Variants in SGCZ observed in about 807,000 individuals in gnomAD.
SGCZ encodes sarcoglycan zeta, also known as zeta-sarcoglycan.
A neutral mutation model predicts 41.3 loss-of-function variants in SGCZ; 40 were observed. That is an observed-to-expected ratio of 0.97 (90% CI 0.75 to 1.26). SGCZ has a LOEUF of 1.26. SGCZ is among the 50% of genes most tolerant of loss of function. The pLI, the probability that SGCZ is intolerant of heterozygous loss-of-function variation, is 0.00. For synonymous variants in SGCZ, 206 were observed against 137.5 expected (o/e 1.50, Z -3.49); for missense variants, 552 against 369.8 (o/e 1.49, Z -4.04).
chr8:14,732,276 A>C (rs1000654413), intron 1 of SGCZ, among the ~76,000 whole-genome samples: 18 of 152,152 alleles, frequency 1.2e-4, no homozygotes, highest in Non-Finnish European at 7.3e-5. Context: ...CCTTTCAAGG[A>C]ATGACAGGAT....
intron 1 of SGCZ, among the ~76,000 whole-genome samples, chr8:15,161,888 A>G (rs1799521101): frequency 1.3e-5 from 2 of 152,138 alleles, no homozygotes; most frequent in African/African-American, 4.8e-5. Context: ...TACAAAAATT[A>G]GCTGGGCGTG....
chr8:14,691,407 T>G (rs1808793569), intron 1 of SGCZ, among the ~76,000 whole-genome samples: 2 of 151,926 alleles, frequency 1.3e-5, no homozygotes, highest in Admixed American at 6.6e-5. Context: ...AAACAAACTG[T>G]AAATGAGGGA....
chr8:14,931,642 G>A (rs1205032189), intron 1 of SGCZ, among the ~76,000 whole-genome samples: 1 of 151,930 alleles, frequency 6.6e-6, no homozygotes. Flanking sequence ...ATATTATACT[G>A]AAAAGATTGA....
chr8:14,381,826 T>C (rs1209402008), intron 2 of SGCZ, among the ~76,000 whole-genome samples: 1 of 151,924 alleles, frequency 6.6e-6, no homozygotes, highest in Non-Finnish European at 1.5e-5. Flanking sequence ...AACAAAAAAC[T>C]TTAATAAAGC....
chr8:14,229,774 T>C (rs976777672), intron 4 of SGCZ, among the ~76,000 whole-genome samples: 1 of 152,122 alleles, frequency 6.6e-6, no homozygotes, highest in African/African-American at 2.4e-5. Context: ...AGGTGTTCAC[T>C]GTAATTGCTT....
At chr8:14,383,420 G>A (rs147858399) in intron 2 of SGCZ, among the ~76,000 whole-genome samples, 1 of 152,236 alleles carries the variant, frequency 6.6e-6, no homozygotes, top group East Asian at 1.9e-4. Context: ...AATTTGCCCT[G>A]TATATAATCT....
rs114214980 is a variant in SGCZ, at chr8:14,154,403, G to A, written c.547+10177C>T. On this transcript the variant is annotated intron_variant, in intron 5 of 7. Transcript: ENST00000382080. Reference sequence around the variant, plus strand: ...CAAACAGCAACAACAAAAAAAAACCGCAGAAAATAAGTTTCTGTTGTTTAA... The same window carrying A: ...CAAACAGCAACAACAAAAAAAAACCACAGAAAATAAGTTTCTGTTGTTTAA... 7.0e-3 allele frequency among the ~76,000 whole-genome samples: 1,062 copies of A among 151,290 alleles called. 12 individuals carry two copies. The highest frequency in any genetic ancestry group is 0.024 in the African/African-American group (968 of 40,944).
At chr8:15,038,096 TA>T (rs35559757) in intron 1 of SGCZ, among the ~76,000 whole-genome samples, 134,346 of 151,814 alleles carry the variant, frequency 0.88, 60,091 homozygotes, top group East Asian at 1. Context: ...AACAGAAATA[TA>T]AAAAAAAATC....
intron 1 of SGCZ, among the ~76,000 whole-genome samples, chr8:14,776,505 T>C (rs938442622): frequency 2.0e-5 from 3 of 148,106 alleles, no homozygotes; most frequent in Non-Finnish European, 3.0e-5. Context: ...CTAATACACT[T>C]TTTTTTCTTT....
chr8:14,937,540 A>C (rs1378552547), intron 1 of SGCZ, among the ~76,000 whole-genome samples: 1 of 152,078 alleles, frequency 6.6e-6, no homozygotes, highest in Non-Finnish European at 1.5e-5. Flanking sequence ...TTGTTATATC[A>C]GCCAAGGAAG....
At chr8:14,312,591 C>G (rs1037588222) in intron 3 of SGCZ, among the ~76,000 whole-genome samples, 8 of 151,990 alleles carry the variant, frequency 5.3e-5, no homozygotes, top group Non-Finnish European at 1.2e-4. Context: ...TGAATAGCCA[C>G]TGCACTCTAG....
At chr8:14,509,067 G>T (rs1398832933) in intron 2 of SGCZ, among the ~76,000 whole-genome samples, 3 of 151,990 alleles carry the variant, frequency 2.0e-5, no homozygotes, top group Non-Finnish European at 4.4e-5. Context: ...TAGATCCTGG[G>T]ATTAACATAA....
chr8:14,605,808 A>G (rs1805730646), intron 1 of SGCZ, among the ~76,000 whole-genome samples: 1 of 152,224 alleles, frequency 6.6e-6, no homozygotes, highest in African/African-American at 2.4e-5. Flanking sequence ...CAGAAAACAT[A>G]CTGGAATCTT....
intron 2 of SGCZ, among the ~76,000 whole-genome samples, chr8:14,397,032 T>A (rs1798939106): frequency 6.6e-6 from 1 of 152,172 alleles, no homozygotes; most frequent in Admixed American, 6.6e-5. Flanking sequence ...TTTACAGGAC[T>A]CAAATTTATC....
At chr8:14,982,496 T>C (rs2130881921) in intron 1 of SGCZ, among the ~76,000 whole-genome samples, 1 of 152,350 alleles carries the variant, frequency 6.6e-6, no homozygotes, top group African/African-American at 2.4e-5. Flanking sequence ...CTACTACATT[T>C]CACAGTGTAA....
At chr8:14,702,962 TAGATAGATAGAC>T (rs1308957219) in intron 1 of SGCZ, among the ~76,000 whole-genome samples, 1,969 of 138,734 alleles carry the variant, frequency 0.014, 29 homozygotes, top group Middle Eastern at 0.029. Flanking sequence ...GATAGATAGA[TAGATAGATAGAC>T]AGACAGACAG....
In SGCZ at chr8:14,694,667, G is replaced by T. The variant is rs187796960; in HGVS notation, c.40-139741C>A. Among the ~76,000 whole-genome samples the T allele has an allele frequency of 3.5e-4, 54 of 152,166 alleles. No homozygotes were observed. The East Asian group carries it at 9.9e-3, about 28-fold the overall frequency. On this transcript the variant is annotated intron_variant, in intron 1 of 7. Coordinates refer to ENST00000382080, the MANE Select transcript of SGCZ (RefSeq NM_139167.4). ...ACTCCCACATCTAACACGGTGCCAG[G>T]CTCAATACATTTCAGGCAAGTAAAG...
At chr8:14,685,837 T>C (rs1351173489) in intron 1 of SGCZ, among the ~76,000 whole-genome samples, 1 of 152,136 alleles carries the variant, frequency 6.6e-6, no homozygotes, top group African/African-American at 2.4e-5. Flanking sequence ...CAATAAATGT[T>C]CATTAAACAA....
chr8:14,276,599 G>GCT (rs1800242475), intron 3 of SGCZ, among the ~76,000 whole-genome samples: 1 of 152,030 alleles, frequency 6.6e-6, no homozygotes, highest in Non-Finnish European at 1.5e-5. Flanking sequence ...TGTTTCAGGT[G>GCT]CTCACTTCTC....
Sources: gnomAD v4.1 joint callset for allele counts (sites outside exome capture counted in the v4.1 genomes callset) on GRCh38, gnomAD v4.1.1 for gene constraint, MANE v1.5 for transcripts, NCBI Gene and HGNC (gene_info 2026-07-23, HGNC 2026-07-21) for gene names.